Variants in IL3RA observed in about 807,000 individuals in gnomAD.
IL3RA encodes the protein interleukin 3 receptor subunit alpha, also known as interleukin-3 receptor subunit alpha.
IL3RA carries 73 observed loss-of-function variants against 52.3 expected under a neutral mutation model. The ratio of observed to expected loss-of-function variants is 1.40; its 90% CI spans 1.16 to 1.70. IL3RA has a LOEUF of 1.70. IL3RA is among the 40% of genes most tolerant of loss of function. IL3RA has a pLI of 0.00. For missense variants in IL3RA, 664 were observed against 504.4 expected, an observed-to-expected ratio of 1.32 and a Z score of -3.03; for synonymous variants, 260 against 194.0, an observed-to-expected ratio of 1.34 and a Z score of -2.83.
rs2086876968 is a variant in IL3RA at position 1,358,091 on chromosome X, T to C, written c.733-770T>C. 2.7e-5 allele frequency among the ~76,000 whole-genome samples: 4 copies of C among 149,162 alleles called. No individual in the cohort carries two copies. In the South Asian group the frequency reaches 8.5e-4, roughly 32 times the overall value. ...CTGCACTCCATCCTGGGCAACAGAG[T>C]GAGACTCCGTCTCAGGAGAAAAAAA... On this transcript the variant is annotated intron_variant, in intron 7 of 11. Transcript: ENST00000331035.
Position 1,356,305 on chromosome X carries a change from G to A in IL3RA, c.701G>A (p.Arg234His). 6.2e-7 allele frequency: 1 copy of A among 1,612,756 alleles called. No homozygotes were observed. The highest frequency in any genetic ancestry group is 8.5e-7 in the Non-Finnish European group (1 of 1,179,110). Residue 234 changes from arginine (R) to histidine (H), a missense_variant, in exon 7 of 12, where the codon CGC (arginine) becomes CAC (histidine). Arg to His is a conservative substitution (Grantham distance 29). Transcript: ENST00000331035. The stretch of plus-strand genomic sequence containing the variant: ...TGGAAAATGAGAAGTCATTTCAATC[G>A]CAAATTTCGCTATGAGCTTCAGATA... ...MHWKMRSHFN[R>H]KFRYELQIQK...
At chrX:1,348,284 G>C (rs1223913466) in intron 3 of IL3RA, 147 bp from the exon 4 acceptor site, 25 of 676,830 alleles carry the variant, frequency 3.7e-5, no homozygotes, top group Admixed American at 1.1e-4. Flanking sequence ...ACCCGGGAGG[G>C]AGAGGCTGCA....
chrX:1,361,592 T>TA (rs201557492), intron 8 of IL3RA, among the ~76,000 whole-genome samples: 3,505 of 150,952 alleles, frequency 0.023, 46 homozygotes, highest in Middle Eastern at 0.089. Flanking sequence ...CTACTAAAAA[T>TA]AAAAAAAATT....
At chrX:1,361,336 G>A (rs1202059240) in intron 8 of IL3RA, among the ~76,000 whole-genome samples, 1 of 152,092 alleles carries the variant, frequency 6.6e-6, no homozygotes, top group Non-Finnish European at 1.5e-5. Flanking sequence ...CCAAGACTGG[G>A]TAATTTATAA....
intron 11 of IL3RA, among the ~76,000 whole-genome samples, chrX:1,381,495 G>A (rs1421708874): frequency 6.6e-6 from 1 of 152,050 alleles, no homozygotes; most frequent in Non-Finnish European, 1.5e-5. Context: ...AGCCCACCGT[G>A]ATCACGGGCC....
At chrX:1,378,114 A>G (rs2088917209) in intron 9 of IL3RA, among the ~76,000 whole-genome samples, 1 of 143,518 alleles carries the variant, frequency 7.0e-6, no homozygotes, top group African/African-American at 2.5e-5. Context: ...TGAACCTGGG[A>G]GGTGGAGGTT....
At chrX:1,342,008 T>C (rs763416206) in intron 2 of IL3RA, among the ~76,000 whole-genome samples, 179 bp downstream of exon 2, 2 of 152,186 alleles carry the variant, frequency 1.3e-5, no homozygotes, top group Middle Eastern at 3.4e-3. Context: ...TTCCCTGTAA[T>C]GCAGCATCTT....
intron 3 of IL3RA, among the ~76,000 whole-genome samples, chrX:1,347,650 A>C (rs1208604692): frequency 7.9e-5 from 12 of 151,790 alleles, no homozygotes; most frequent in Admixed American, 7.9e-4. Flanking sequence ...AAAAACAAAC[A>C]AACAAGAAAA....
rs189194402 is a variant in IL3RA, at chrX:1,360,414, C to G, written c.759+1527C>G. Among the ~76,000 whole-genome samples, 8 of 151,414 alleles carry G rather than the reference C, an allele frequency of 5.3e-5. No homozygotes were observed. The East Asian group carries it at 1.6e-3, about 30-fold the overall frequency. ...TGTCCAAATCTGTGTCTCTGTCTCT[C>G]CCTCTTTCATTCTCCCTCTCTTTCT... On this transcript the variant is annotated intron_variant, in intron 8 of 11. Transcript: ENST00000331035.
chrX:1,358,035 G>A (rs1231049457), intron 7 of IL3RA, among the ~76,000 whole-genome samples: 1 of 151,590 alleles, frequency 6.6e-6, no homozygotes, highest in East Asian at 2.0e-4. Flanking sequence ...AACCCAGAAG[G>A]CGGAGCTTGC....
intron 2 of IL3RA, among the ~76,000 whole-genome samples, chrX:1,342,811 G>A (rs1221161242): frequency 2.7e-5 from 4 of 150,572 alleles, no homozygotes; most frequent in African/African-American, 7.3e-5. Context: ...CGCCTGCCTC[G>A]GGGTTGGGAT....
At chrX:1,345,149 CAA>C (rs1334981191) in intron 2 of IL3RA, among the ~76,000 whole-genome samples, 165 bp from the exon 3 acceptor site, 1 of 146,902 alleles carries the variant, frequency 6.8e-6, no homozygotes, top group African/African-American at 2.5e-5. Flanking sequence ...GCCAGGGCGA[CAA>C]GAGTGAAACT....
intron 10 of IL3RA, 31 bp downstream of exon 10, chrX:1,378,795 C>G (rs1464085486): frequency 6.3e-7 from 1 of 1,576,766 alleles, no homozygotes; most frequent in African/African-American, 1.3e-5. Flanking sequence ...GCGAGCGTCG[C>G]TTGTTTCCAG....
At chrX:1,355,481 G>GGGGGAGGAGGAGGAT (rs2086637198) in intron 6 of IL3RA, among the ~76,000 whole-genome samples, 1 of 148,668 alleles carries the variant, frequency 6.7e-6, no homozygotes. Flanking sequence ...AGGAGGAGGA[G>GGGGGAGGAGGAGGAT]GGGGCCAGGG....
chrX:1,382,544 C>T lies in IL3RA; in HGVS notation c.*79C>T. 1 of 1,284,230 alleles carries T rather than the reference C, an allele frequency of 7.8e-7. No homozygotes were observed. 79.6% of individuals were successfully genotyped at this position (1,284,230 alleles called of 1,614,324 possible). A position where few individuals can be genotyped will look rare whatever the true frequency, so the allele number is the denominator to read the frequency against. On this transcript the variant is annotated 3_prime_UTR_variant, in exon 12 of 12. Coordinates refer to ENST00000331035, the MANE Select transcript of IL3RA (RefSeq NM_002183.4). ...GCGCCTGCACAGACTGGCTGCTGGA[C>T]CTGCGCACGCAGCCCAGGAATGGAC...
chrX:1,359,927 C>T (rs1249287836), intron 8 of IL3RA, among the ~76,000 whole-genome samples: 4 of 149,212 alleles, frequency 2.7e-5, no homozygotes, highest in African/African-American at 9.9e-5. Flanking sequence ...CTGTGTCTAT[C>T]TCCCACTGTC....
At chrX:1,381,144 T>C in intron 11 of IL3RA, 40 bp downstream of exon 11, 1 of 1,592,532 alleles carries the variant, frequency 6.3e-7, no homozygotes, top group Non-Finnish European at 8.6e-7. Flanking sequence ...TCTGGAGGCG[T>C]GGTGGCCACT....
intron 2 of IL3RA, among the ~76,000 whole-genome samples, chrX:1,344,950 C>T (rs1462493071): frequency 4.7e-5 from 7 of 148,598 alleles, no homozygotes; most frequent in Non-Finnish European, 7.4e-5. Context: ...ATCATGAGGT[C>T]AGGAGATCGA....
At chrX:1,342,074 G>A (rs2085517208) in intron 2 of IL3RA, among the ~76,000 whole-genome samples, 1 of 152,124 alleles carries the variant, frequency 6.6e-6, no homozygotes, top group South Asian at 2.1e-4. Flanking sequence ...CAGATGCCAT[G>A]TGAGGTGTTT....
Sources: allele counts gnomAD v4.1 joint callset (sites outside exome capture counted in the v4.1 genomes callset), GRCh38; gene constraint gnomAD v4.1.1; transcripts MANE v1.5; gene names NCBI Gene and HGNC (gene_info 2026-07-23, HGNC 2026-07-21).